The following LTC4S variants were observed in gnomAD, a reference collection of about 807,000 sequenced individuals.
The protein encoded by LTC4S is LTC4 synthase.
Under a neutral mutation model 19.6 loss-of-function variants are expected in LTC4S, and 18 were observed. The observed-to-expected ratio is 0.92, with a 90% CI of 0.64 to 1.36. The LOEUF is 1.36. Among genes scored for constraint, LTC4S ranks in the 40% most tolerant of loss-of-function variants. The probability of loss-of-function intolerance (pLI) is 0.00; values close to 1 mark genes in which losing one functional copy is unlikely to be tolerated. For synonymous variants in LTC4S, 126 were observed against 110.1 expected (o/e 1.14, Z -0.91); for missense variants, 235 against 212.2 (o/e 1.11, Z -0.67).
chr5:179,794,937 C>G (rs919768368), intron 1 of LTC4S, among the ~76,000 whole-genome samples: 2 of 152,132 alleles, frequency 1.3e-5, no homozygotes, highest in Non-Finnish European at 2.9e-5. Context: ...TGGGGTTAGG[C>G]TAGGAGAGTC....
chr5:179,796,107 G>A, intron 4 of LTC4S, 85 bp downstream of exon 4: 3 of 1,319,548 alleles, frequency 2.3e-6, no homozygotes, highest in Admixed American at 3.1e-5. Flanking sequence ...GAAGCTGGGG[G>A]CGGGCGACGG....
At position 179,793,994 on chromosome 5, in the gene LTC4S, C is replaced by A; in HGVS notation, c.-87C>A. 6.2e-7 allele frequency: 1 copy of A among 1,604,610 alleles called. No individual in the cohort carries two copies. The highest frequency in any genetic ancestry group is 8.5e-7 in the Non-Finnish European group (1 of 1,175,658). On this transcript the variant is annotated 5_prime_UTR_variant, in exon 1 of 5. Coordinates refer to ENST00000292596, the MANE Select transcript of LTC4S (RefSeq NM_145867.2). ...AGAGCACCGAGGCTGCTCTTCCTCT[C>A]CTGGGCCGTCCTCTGAGCAGCAGAC... is the stretch of plus-strand genomic sequence containing the variant.
chr5:179,795,645 C>A lies in LTC4S; in HGVS notation c.120C>A (p.Thr40=), dbSNP rs755046190. 1.2e-6 allele frequency: 2 copies of A among 1,609,444 alleles called. No homozygotes were observed. Among genetic ancestry groups the A allele is most frequent in the South Asian group, 2.2e-5 (2 of 90,610 alleles). ...CCTTCCGCGTGTCGCCGCCGCTCACCACCGGCCCACCCGAGTTCGAGCGCG... is the reference window on the plus strand; with the variant it reads ...CCTTCCGCGTGTCGCCGCCGCTCACAACCGGCCCACCCGAGTTCGAGCGCG... ...RRAFRVSPPL[T]TGPPEFERVY... is the part of the protein sequence containing the mutation. The change falls in exon 2 of 5, where the codon ACC becomes ACA. Residue 40 remains threonine (T), a synonymous_variant. Transcript: ENST00000292596.
chr5:179,795,933 T>C lies in LTC4S; in HGVS notation c.230-8T>C. On this transcript the variant is annotated splice_polypyrimidine_tract_variant and splice_region_variant and intron_variant, in intron 3 of 4. Coordinates refer to ENST00000292596, the MANE Select transcript of LTC4S (RefSeq NM_145867.2). ...GGCGCTCACCAGGCCCGTGCGTACC[T>C]CTCGCAGGGGCGGCGGCCCTGTGCG... 1.3e-6 allele frequency: 2 copies of C among 1,571,742 alleles called. No homozygotes were observed. Among genetic ancestry groups the C allele is most frequent in the African/African-American group, 1.3e-5 (1 of 74,260 alleles).
At chr5:179,795,881 C>T (rs1247109632) in intron 3 of LTC4S, 25 bp downstream of exon 3, 5 of 1,600,486 alleles carry the variant, frequency 3.1e-6, no homozygotes, top group East Asian at 2.2e-5. Flanking sequence ...CAGGGGCGCA[C>T]GCGCTGGACC....
chr5:179,794,061 G>A lies in LTC4S; in HGVS notation c.-20G>A, dbSNP rs200261371. The A allele has an allele frequency of 1.2e-6, 2 of 1,613,564 alleles. No individual in the cohort carries two copies. Among genetic ancestry groups the A allele is most frequent in the Admixed American group, 1.7e-5 (1 of 60,020 alleles). The stretch of plus-strand genomic sequence containing the variant: ...CAGCTCGCCTTCACACACAGCCCGT[G>A]CCACCACACCGACGGTACCATGAAG... On this transcript the variant is annotated 5_prime_UTR_variant, in exon 1 of 5. Transcript: ENST00000292596.
chr5:179,796,518 G>GTT lies in LTC4S; in HGVS notation c.*124_*125insTT, dbSNP rs1756636221. On this transcript the variant is annotated 3_prime_UTR_variant, in exon 5 of 5. Transcript: ENST00000292596. ...TAAAGTTCTAGTGACCGAGACCCGG[G>GTT]CTGCGTTCTCTGGGTCCGCGGGGGT... The GTT allele has an allele frequency of 7.7e-7, 1 of 1,292,412 alleles. No individual in the cohort carries two copies. Among genetic ancestry groups the GTT allele is most frequent in the African/African-American group, 1.6e-5 (1 of 63,892 alleles). 80.1% of individuals were successfully genotyped at this position (1,292,412 alleles called of 1,614,324 possible). A position where few individuals can be genotyped will look rare whatever the true frequency, so the allele number is the denominator to read the frequency against.
At position 179,796,403 on chromosome 5, in the gene LTC4S, C is replaced by T. The variant is rs1158791104; in HGVS notation, c.*9C>T. The T allele has an allele frequency of 6.1e-6, 9 of 1,481,438 alleles. No individual in the cohort carries two copies. The highest frequency in any genetic ancestry group is 1.3e-5 in the South Asian group (1 of 79,020). The allele number at this position is 1,481,438 out of a possible 1,614,324, so 91.8% of individuals were successfully genotyped here. On this transcript the variant is annotated 3_prime_UTR_variant, in exon 5 of 5. Transcript: ENST00000292596. ...TGCTGCCGTGGGCCTGAGACCAAGG[C>T]CCCCGGGCCGACGGAGCCGGGAAAG...
chr5:179,796,224 G>T (rs989282147), intron 4 of LTC4S, 29 bp from the exon 5 acceptor site: 1 of 1,429,226 alleles, frequency 7.0e-7, no homozygotes, highest in Non-Finnish European at 9.2e-7. Context: ...GCCTCCTCGC[G>T]CCACCTCCCC....
chr5:179,796,402 G>A lies in LTC4S; in HGVS notation c.*8G>A, dbSNP rs1756628455. The A allele has an allele frequency of 2.0e-6, 3 of 1,483,054 alleles. No individual in the cohort carries two copies. The highest frequency in any genetic ancestry group is 2.8e-5 in the East Asian group (1 of 35,710). The allele number at this position is 1,483,054 out of a possible 1,614,324, so 91.9% of individuals were successfully genotyped here. A position where few individuals can be genotyped will look rare whatever the true frequency, so the allele number is the denominator to read the frequency against. On this transcript the variant is annotated 3_prime_UTR_variant, in exon 5 of 5. Transcript: ENST00000292596. Reference sequence around the variant, plus strand: ...CTGCTGCCGTGGGCCTGAGACCAAGGCCCCCGGGCCGACGGAGCCGGGAAA... The same window carrying A: ...CTGCTGCCGTGGGCCTGAGACCAAGACCCCCGGGCCGACGGAGCCGGGAAA...
chr5:179,795,628 G>T lies in LTC4S; in HGVS notation c.103G>T (p.Val35Leu). Reference sequence around the variant, plus strand: ...GATCTCGGCGCGCAGGGCCTTCCGCGTGTCGCCGCCGCTCACCACCGGCCC... The same window carrying T: ...GATCTCGGCGCGCAGGGCCTTCCGCTTGTCGCCGCCGCTCACCACCGGCCC... ...QVISARRAFR[V>L]SPPLTTGPPE... Residue 35 changes from valine (V) to leucine (L), a missense_variant, in exon 2 of 5, where the codon GTG (valine) becomes TTG (leucine). Coordinates refer to ENST00000292596, the MANE Select transcript of LTC4S (RefSeq NM_145867.2). The T allele has an allele frequency of 6.2e-7, 1 of 1,609,880 alleles. No individual in the cohort carries two copies. The highest frequency in any genetic ancestry group is 1.3e-5 in the African/African-American group (1 of 74,878).
intron 1 of LTC4S, 158 bp from the exon 2 acceptor site, chr5:179,795,426 T>C: frequency 1.4e-6 from 2 of 1,475,004 alleles, no homozygotes; most frequent in South Asian, 1.4e-5. Flanking sequence ...CAGGGATGGG[T>C]GAGACGAGAG....
Position 179,796,556 on chromosome 5 carries a change from G to C in LTC4S, c.*162G>C. 1 of 1,158,194 alleles carries C rather than the reference G, an allele frequency of 8.6e-7. No homozygotes were observed. Among genetic ancestry groups the C allele is most frequent in the Non-Finnish European group, 1.1e-6 (1 of 896,202 alleles). The allele number at this position is 1,158,194 out of a possible 1,614,324, so 71.7% of individuals were successfully genotyped here. On this transcript the variant is annotated 3_prime_UTR_variant, in exon 5 of 5. Coordinates refer to ENST00000292596, the MANE Select transcript of LTC4S (RefSeq NM_145867.2). ...GGTCCGCGGGGGTGGCGCACCGCGGGCTACGGAGCCTGGAGGGGCCCAGCC... is the reference window on the plus strand; with the variant it reads ...GGTCCGCGGGGGTGGCGCACCGCGGCCTACGGAGCCTGGAGGGGCCCAGCC...
At position 179,796,594 on chromosome 5, in the gene LTC4S, G is replaced by A. The variant is rs1269857357; in HGVS notation, c.*200G>A. The A allele has an allele frequency of 6.6e-6, 5 of 759,856 alleles. No individual in the cohort carries two copies. The highest frequency in any genetic ancestry group is 9.2e-6 in the Non-Finnish European group (5 of 541,138). 47.1% of individuals were successfully genotyped at this position (759,856 alleles called of 1,614,324 possible). A position where few individuals can be genotyped will look rare whatever the true frequency, so the allele number is the denominator to read the frequency against. Reference sequence around the variant, plus strand: ...GAGGGGCCCAGCCCGAGTCCGGGCAGCCCGGGGCGGGCTTCCTAGTGGCGG... The same window carrying A: ...GAGGGGCCCAGCCCGAGTCCGGGCAACCCGGGGCGGGCTTCCTAGTGGCGG... On this transcript the variant is annotated 3_prime_UTR_variant, in exon 5 of 5. Transcript: ENST00000292596.
intron 1 of LTC4S, chr5:179,795,348 C>G: frequency 7.1e-7 from 1 of 1,409,838 alleles, no homozygotes; most frequent in Non-Finnish European, 9.2e-7. Context: ...CAGGTTGGGA[C>G]AGGGCCTCTC....
chr5:179,796,356 C>A lies in LTC4S; in HGVS notation c.415C>A (p.Leu139Ile), dbSNP rs1756626347. 6.7e-7 allele frequency: 1 copy of A among 1,492,398 alleles called. No homozygotes were observed. Among genetic ancestry groups the A allele is most frequent in the Non-Finnish European group, 8.9e-7 (1 of 1,128,902 alleles). 92.4% of individuals were successfully genotyped at this position (1,492,398 alleles called of 1,614,324 possible). A position where few individuals can be genotyped will look rare whatever the true frequency, so the allele number is the denominator to read the frequency against. The stretch of plus-strand genomic sequence containing the variant: ...CCTCCCGGCCGCGCTGCGCGCCGCG[C>A]TCCTCGGACGGCTCCGGACGCTGCT... The part of the protein sequence containing the change: ...HFLPAALRAA[L>I]LGRLRTLLPW... The change falls in exon 5 of 5, where the codon CTC becomes ATC. Residue 139 changes from leucine (L) to isoleucine (I), a missense_variant. Physicochemically the swap from Leu to Ile is conservative, Grantham distance 5. Coordinates refer to ENST00000292596, the MANE Select transcript of LTC4S (RefSeq NM_145867.2).
At position 179,795,972 on chromosome 5, in the gene LTC4S, G is replaced by A; in HGVS notation, c.261G>A (p.Leu87=). 6.5e-7 allele frequency: 1 copy of A among 1,545,898 alleles called. No homozygotes were observed. The highest frequency in any genetic ancestry group is 1.4e-5 in the African/African-American group (1 of 73,398). Residue 87 remains leucine (L), a synonymous_variant, in exon 4 of 5, where the codon CTG becomes CTA. Transcript: ENST00000292596. ...GAAALCGLVY[L]FARLRYFQGY... ...CGGCCCTGTGCGGCCTGGTCTACCT[G>A]TTCGCGCGCCTCCGCTACTTCCAGG...
Position 179,794,072 on chromosome 5 carries a change from G to A in LTC4S, c.-9G>A, listed in dbSNP as rs776562798. On this transcript the variant is annotated 5_prime_UTR_variant, in exon 1 of 5. Transcript: ENST00000292596. ...CACACACAGCCCGTGCCACCACACC[G>A]ACGGTACCATGAAGGACGAGGTAGC... 5.6e-6 allele frequency: 9 copies of A among 1,613,490 alleles called. No homozygotes were observed. Among genetic ancestry groups the A allele is most frequent in the South Asian group, 4.4e-5 (4 of 91,088 alleles).
In LTC4S at chr5:179,794,117, C is replaced by A. The variant is rs747176466; in HGVS notation, c.37C>A (p.Leu13Ile). The A allele has an allele frequency of 6.2e-7, 1 of 1,613,628 alleles. No homozygotes were observed. The highest frequency in any genetic ancestry group is 1.1e-5 in the South Asian group (1 of 91,082). ...GGTAGCTCTACTGGCTGCTGTCACC[C>A]TCCTGGGAGTCCTGCTGCAAGGTGG... Reference protein sequence around the residue: ...DEVALLAAVTLLGVLLQAYFS... With the variant: ...DEVALLAAVTILGVLLQAYFS... The change falls in exon 1 of 5, where the codon CTC (leucine) becomes ATC (isoleucine). Residue 13 changes from leucine (L) to isoleucine (I), a missense_variant. Physicochemically the swap from Leu to Ile is conservative, Grantham distance 5. Coordinates refer to ENST00000292596, the MANE Select transcript of LTC4S (RefSeq NM_145867.2).
Sources: allele counts gnomAD v4.1 joint callset (sites outside exome capture counted in the v4.1 genomes callset), GRCh38; gene constraint gnomAD v4.1.1; transcripts MANE v1.5; gene names NCBI Gene and HGNC (gene_info 2026-07-23, HGNC 2026-07-21).